The following SKAP2 variants were observed in gnomAD, a reference collection of about 807,000 sequenced individuals.
SKAP2 encodes the protein src kinase associated phosphoprotein 2.
A neutral mutation model predicts 54.9 loss-of-function variants in SKAP2; 28 were observed. The observed-to-expected ratio is 0.51, with a 90% CI of 0.38 to 0.70. The LOEUF is 0.70. Among genes scored for constraint, SKAP2 ranks in the 30% least tolerant of loss-of-function variants. SKAP2 has a pLI of 0.00. For synonymous variants in SKAP2, 137 were observed against 134.3 expected (o/e 1.02, Z -0.14); for missense variants, 356 against 424.1 (o/e 0.84, Z 1.41).
chr7:26,753,454 C>T (rs531476147), intron 4 of SKAP2, among the ~76,000 whole-genome samples: 44 of 151,926 alleles, frequency 2.9e-4, no homozygotes, highest in African/African-American at 1.0e-3. Context: ...ACGTTCACTG[C>T]AAAATAAAAA....
At chr7:26,835,927 A>G (rs979935334) in intron 4 of SKAP2, among the ~76,000 whole-genome samples, 9 of 152,214 alleles carry the variant, frequency 5.9e-5, no homozygotes, top group Non-Finnish European at 1.3e-4. Flanking sequence ...GCATCACGCT[A>G]TCTGACTTCA....
chr7:26,677,573 T>A (rs181152478), intron 11 of SKAP2, among the ~76,000 whole-genome samples: 31 of 152,314 alleles, frequency 2.0e-4, no homozygotes, highest in African/African-American at 6.7e-4. Context: ...AAACTCCATT[T>A]ATACATAAAG....
intron 4 of SKAP2, among the ~76,000 whole-genome samples, chr7:26,837,565 G>A (rs538957691): frequency 1.3e-5 from 2 of 152,206 alleles, no homozygotes; most frequent in East Asian, 1.9e-4. Flanking sequence ...TCACTGTCAC[G>A]AAGATAGCAC....
chr7:26,742,594 C>G (rs1782476347), intron 4 of SKAP2: 2 of 152,120 alleles, frequency 1.3e-5, no homozygotes, highest in South Asian at 4.1e-4. Context: ...ATTCATGTTT[C>G]TAATATAAAA....
At chr7:26,697,606 C>A (rs1376618848) in intron 9 of SKAP2, among the ~76,000 whole-genome samples, 1 of 152,014 alleles carries the variant, frequency 6.6e-6, no homozygotes, top group African/African-American at 2.4e-5. Context: ...CTTACAGTAA[C>A]CTCTATCTGG....
In SKAP2 at chr7:26,854,818, GA is replaced by G. The variant is rs1785126489; in HGVS notation, c.139del (p.Ser47ProfsTer6). On this transcript the variant is annotated frameshift_variant, in exon 2 of 13. Transcript: ENST00000345317. LOFTEE classifies it high-confidence loss of function. ...TACATCTTTTATCTTCTTAATAAGGGATTCTCTCTTTTCCTTTGCTTTCTTG... is the reference window on the plus strand; with the variant it reads ...TACATCTTTTATCTTCTTAATAAGGGTTCTCTCTTTTCCTTTGCTTTCTTG... The part of the protein sequence containing the change: ...LSKKAKEKRE[S>X]LIKKIKDVKS... The G allele has an allele frequency of 6.2e-7, 1 of 1,601,742 alleles. No individual in the cohort carries two copies. The highest frequency in any genetic ancestry group is 1.3e-5 in the African/African-American group (1 of 74,684).
At chr7:26,846,710 G>A (rs1254387320) in intron 3 of SKAP2, among the ~76,000 whole-genome samples, 1 of 152,200 alleles carries the variant, frequency 6.6e-6, no homozygotes, top group Admixed American at 6.5e-5. Flanking sequence ...ACCGGGTGCG[G>A]TGGCTCACGC....
At chr7:26,848,059 G>T (rs1047478304) in intron 3 of SKAP2, 5 of 152,164 alleles carry the variant, frequency 3.3e-5, no homozygotes, top group African/African-American at 1.2e-4. Context: ...TACTACAGCA[G>T]CATATTTTTC....
intron 4 of SKAP2, among the ~76,000 whole-genome samples, chr7:26,772,895 T>C (rs1783218672): frequency 6.6e-6 from 1 of 152,224 alleles, no homozygotes; most frequent in Non-Finnish European, 1.5e-5. Flanking sequence ...CTTTTAGCAC[T>C]AATGGGAAAT....
At chr7:26,701,770 T>A (rs573571321) in intron 9 of SKAP2, among the ~76,000 whole-genome samples, 3 of 150,952 alleles carry the variant, frequency 2.0e-5, no homozygotes, top group African/African-American at 7.3e-5. Flanking sequence ...AATAAATAAA[T>A]AAAACTTGCA....
intron 4 of SKAP2, among the ~76,000 whole-genome samples, chr7:26,817,231 A>C (rs1044555305): frequency 6.6e-6 from 1 of 152,162 alleles, no homozygotes; most frequent in Non-Finnish European, 1.5e-5. Context: ...GCTAGTTCAC[A>C]GGAGTGTATA....
chr7:26,810,945 G>C (rs983930099), intron 4 of SKAP2, among the ~76,000 whole-genome samples: 4 of 152,100 alleles, frequency 2.6e-5, no homozygotes, highest in African/African-American at 9.7e-5. Flanking sequence ...CTCCCAAAGT[G>C]CTGGGAATAC....
In SKAP2 at chr7:26,854,065, G is replaced by C. The variant is rs544631624; in HGVS notation, c.199+72C>G. ...AATTCCAACTATCAAATTTCAGTAT[G>C]TGTTAGATTATCCTATTGAAAATTT... On this transcript the variant is annotated intron_variant, in intron 3 of 12. Transcript: ENST00000345317. 4.2e-6 allele frequency: 4 copies of C among 957,176 alleles called. No individual in the cohort carries two copies. The South Asian group carries it at 4.5e-5, about 11-fold the overall frequency. The allele number at this position is 957,176 out of a possible 1,614,324, so 59.3% of individuals were successfully genotyped here.
rs536350370 is a variant in SKAP2 at position 26,725,383 on chromosome 7, C to A, written c.796+45G>T. 7.5e-6 allele frequency: 11 copies of A among 1,473,754 alleles called. No homozygotes were observed. In the South Asian group the frequency reaches 1.1e-4, roughly 14 times the overall value. The allele number at this position is 1,473,754 out of a possible 1,614,324, so 91.3% of individuals were successfully genotyped here. A position where few individuals can be genotyped will look rare whatever the true frequency, so the allele number is the denominator to read the frequency against. ...ACACACACACACACTCACACACACA[C>A]ACACAGCCCTAAAATCTTTAAATGA... On this transcript the variant is annotated intron_variant, in intron 9 of 12. Coordinates refer to ENST00000345317, the MANE Select transcript of SKAP2 (RefSeq NM_003930.5).
chr7:26,804,315 C>G (rs1783979675), intron 4 of SKAP2, among the ~76,000 whole-genome samples: 1 of 152,052 alleles, frequency 6.6e-6, no homozygotes, highest in South Asian at 2.1e-4. Context: ...GACTAAATTT[C>G]CTCTGTTATC....
intron 6 of SKAP2, among the ~76,000 whole-genome samples, chr7:26,728,852 C>T (rs561412499): frequency 1.3e-5 from 2 of 152,228 alleles, no homozygotes; most frequent in South Asian, 2.1e-4. Flanking sequence ...AGGAAAGCTG[C>T]TCCCTTGCTG....
At chr7:26,848,581 G>A (rs1192927684) in intron 3 of SKAP2, among the ~76,000 whole-genome samples, 1 of 152,090 alleles carries the variant, frequency 6.6e-6, no homozygotes, top group East Asian at 1.9e-4. Context: ...CTGGTCCCAA[G>A]AACTTTGGAT....
intron 4 of SKAP2, among the ~76,000 whole-genome samples, chr7:26,792,403 T>C (rs17154538): frequency 0.14 from 21,520 of 152,170 alleles, 1,793 homozygotes; most frequent in African/African-American, 0.24. Context: ...GAAAAGATCT[T>C]GAGTAAAAGA....
intron 4 of SKAP2, among the ~76,000 whole-genome samples, chr7:26,748,776 G>C (rs1782613725): frequency 6.6e-6 from 1 of 151,980 alleles, no homozygotes; most frequent in Admixed American, 6.6e-5. Flanking sequence ...ATACAATTAT[G>C]AACTGGGTTT....
Sources: gnomAD v4.1 joint callset for allele counts (sites outside exome capture counted in the v4.1 genomes callset) on GRCh38, gnomAD v4.1.1 for gene constraint, MANE v1.5 for transcripts, NCBI Gene and HGNC (gene_info 2026-07-23, HGNC 2026-07-21) for gene names.